Variants in RPS6KC1 observed in about 807,000 individuals in gnomAD.
RPS6KC1 encodes the protein ribosomal protein S6 kinase C1.
In RPS6KC1, 54 loss-of-function variants were observed where a neutral mutation model predicts 103.8. That is an observed-to-expected ratio of 0.52 (90% CI 0.42 to 0.65). The LOEUF is 0.65. Ranked by LOEUF, RPS6KC1 falls within the 30% of genes least tolerant of loss-of-function variation. RPS6KC1 has a pLI of 0.00. For synonymous variants in RPS6KC1, 439 were observed against 438.7 expected (o/e 1.00, Z -0.01); for missense variants, 1,151 against 1,253.8 (o/e 0.92, Z 1.24).
intron 10 of RPS6KC1, among the ~76,000 whole-genome samples, chr1:213,239,924 GA>G (rs2094312697): frequency 6.6e-6 from 1 of 152,074 alleles, no homozygotes; most frequent in African/African-American, 2.4e-5. Context: ...TAAAATAAAA[GA>G]AAACTATGGT....
the RPS6KC1 span, among the ~76,000 whole-genome samples, chr1:213,515,200 G>T: frequency 1.3e-5 from 2 of 152,150 alleles, no homozygotes; most frequent in Non-Finnish European, 2.9e-5. Flanking sequence ...TCTGATGGTA[G>T]TTTCTTTTGC....
At chr1:213,395,957 G>A in the RPS6KC1 span, among the ~76,000 whole-genome samples, 76 of 152,332 alleles carry the variant, frequency 5.0e-4, no homozygotes, top group African/African-American at 1.8e-3. Context: ...AGTCTGGGCT[G>A]GCATTTCAGA....
the RPS6KC1 span, among the ~76,000 whole-genome samples, chr1:213,359,147 A>G: frequency 1.3e-5 from 2 of 152,120 alleles, no homozygotes; most frequent in Admixed American, 1.3e-4. Flanking sequence ...TCTAATGTTG[A>G]CAGTGGGGTG....
chr1:213,378,016 G>A, the RPS6KC1 span, among the ~76,000 whole-genome samples: 2 of 152,300 alleles, frequency 1.3e-5, no homozygotes, highest in Admixed American at 6.5e-5. Context: ...CAAGGTTTAA[G>A]CCCCTTGAGA....
intron 14 of RPS6KC1, among the ~76,000 whole-genome samples, chr1:213,272,257 A>C (rs377038809): frequency 7.2e-5 from 11 of 152,238 alleles, no homozygotes; most frequent in African/African-American, 2.4e-4. Flanking sequence ...CTATTATATT[A>C]CATGAGGATG....
chr1:213,620,512 A>G, the RPS6KC1 span, among the ~76,000 whole-genome samples: 1 of 152,216 alleles, frequency 6.6e-6, no homozygotes, highest in African/African-American at 2.4e-5. Context: ...TAGGCCCAGA[A>G]CTAGCAAATT....
At chr1:213,245,867 A>G (rs1263377164) in intron 12 of RPS6KC1, among the ~76,000 whole-genome samples, 2 of 152,152 alleles carry the variant, frequency 1.3e-5, no homozygotes, top group Non-Finnish European at 2.9e-5. Flanking sequence ...TTATTTAAGT[A>G]TAGTTTCTGC....
At chr1:213,749,016 G>T in the RPS6KC1 span, among the ~76,000 whole-genome samples, 1 of 152,158 alleles carries the variant, frequency 6.6e-6, no homozygotes, top group South Asian at 2.1e-4. Flanking sequence ...TTCAATATTT[G>T]CTTTCACCCC....
chr1:213,306,942 C>A, the RPS6KC1 span, among the ~76,000 whole-genome samples: 3 of 152,048 alleles, frequency 2.0e-5, no homozygotes, highest in South Asian at 6.2e-4. Flanking sequence ...TTATTTACAT[C>A]ATATTTCCAC....
At chr1:213,388,321 C>T in the RPS6KC1 span, among the ~76,000 whole-genome samples, 1,326 of 152,332 alleles carry the variant, frequency 8.7e-3, 10 homozygotes, top group Non-Finnish European at 0.014. Flanking sequence ...GTCCCTGCTG[C>T]GGCCATGCTG....
the RPS6KC1 span, among the ~76,000 whole-genome samples, chr1:213,813,483 GAA>G: frequency 6.6e-6 from 1 of 151,798 alleles, no homozygotes; most frequent in African/African-American, 2.4e-5. Context: ...AGGTTAACAT[GAA>G]ATAAAAAATA....
At chr1:213,162,665 C>G (rs190129658) in intron 6 of RPS6KC1, among the ~76,000 whole-genome samples, 1 of 152,236 alleles carries the variant, frequency 6.6e-6, no homozygotes, top group Non-Finnish European at 1.5e-5. Flanking sequence ...GGTTAGGGAG[C>G]AGAAAGAAAT....
the RPS6KC1 span, among the ~76,000 whole-genome samples, chr1:213,582,581 T>C: frequency 6.6e-6 from 1 of 152,236 alleles, no homozygotes; most frequent in Non-Finnish European, 1.5e-5. Context: ...AAGTTAACTT[T>C]ATATAATCAA....
At chr1:213,378,017 C>T in the RPS6KC1 span, among the ~76,000 whole-genome samples, 1 of 152,190 alleles carries the variant, frequency 6.6e-6, no homozygotes, top group Non-Finnish European at 1.5e-5. Context: ...AAGGTTTAAG[C>T]CCCTTGAGAG....
At chr1:213,811,938 T>G in the RPS6KC1 span, among the ~76,000 whole-genome samples, 5 of 152,236 alleles carry the variant, frequency 3.3e-5, no homozygotes, top group African/African-American at 9.6e-5. Flanking sequence ...TATTACTTAA[T>G]CTTATTTAAT....
At chr1:213,165,722 C>T (rs1279677842) in intron 6 of RPS6KC1, among the ~76,000 whole-genome samples, 1 of 152,136 alleles carries the variant, frequency 6.6e-6, no homozygotes, top group East Asian at 1.9e-4. Context: ...CGCGCCCGGC[C>T]AGTTTTATGT....
chr1:213,365,674 A>C, the RPS6KC1 span, among the ~76,000 whole-genome samples: 15 of 152,226 alleles, frequency 9.9e-5, no homozygotes, highest in Middle Eastern at 3.2e-3. Flanking sequence ...TTCCAGTCCA[A>C]CAGGCTTTTT....
chr1:213,860,048 G>A, the RPS6KC1 span, among the ~76,000 whole-genome samples: 2,139 of 151,362 alleles, frequency 0.014, 23 homozygotes, highest in South Asian at 0.056. Flanking sequence ...TTGGTTACTA[G>A]ATGTATCATT....
chr1:213,640,827 G>T, the RPS6KC1 span, among the ~76,000 whole-genome samples: 5 of 151,692 alleles, frequency 3.3e-5, no homozygotes, highest in South Asian at 2.1e-4. Flanking sequence ...TTGGTGAATT[G>T]TTCATGTTCA....
Sources: allele counts gnomAD v4.1 joint callset (sites outside exome capture counted in the v4.1 genomes callset), GRCh38; gene constraint gnomAD v4.1.1; transcripts MANE v1.5; gene names NCBI Gene and HGNC (gene_info 2026-07-23, HGNC 2026-07-21).